MCF2L2: variants seen among roughly 807,000 people sequenced by gnomAD.
MCF2L2 encodes the protein probable guanine nucleotide exchange factor MCF2L2.
A neutral mutation model predicts 150.2 loss-of-function variants in MCF2L2; 102 were observed. The observed-to-expected ratio is 0.68, with a 90% CI of 0.58 to 0.80. The LOEUF is 0.80. Ranked by LOEUF, MCF2L2 falls within the 30% of genes least tolerant of loss-of-function variation. MCF2L2 has a pLI of 0.00. For synonymous variants in MCF2L2, 465 were observed against 491.3 expected (o/e 0.95, Z 0.71); for missense variants, 1,256 against 1,372.8 (o/e 0.91, Z 1.34).
chr3:183,294,635 T>TATA (rs1560003855), intron 13 of MCF2L2, among the ~76,000 whole-genome samples: 2 of 133,432 alleles, frequency 1.5e-5, no homozygotes, highest in African/African-American at 6.5e-5. Flanking sequence ...ATATATATAT[T>TATA]TTTTTTTTTT....
rs192344156 is a variant in MCF2L2, at chr3:183,181,173, G to C, written c.3017-1014C>G. Reference sequence around the variant, plus strand: ...GAGGCATGGCCAGAGGGCGGTAGGCGGCAGTGGAGGGAGCTGCAGTTATCT... The same window carrying C: ...GAGGCATGGCCAGAGGGCGGTAGGCCGCAGTGGAGGGAGCTGCAGTTATCT... On this transcript the variant is annotated intron_variant, in intron 27 of 29. Transcript: ENST00000328913. This position sits in a 1 kb window ranked among gnomAD's most constrained non-coding sequence, Gnocchi z 4.3. Among the ~76,000 whole-genome samples the C allele has an allele frequency of 1.1e-4, 16 of 152,206 alleles. 1 individual carries two copies. Among genetic ancestry groups the C allele is most frequent in the African/African-American group, 3.4e-4 (14 of 41,446 alleles).
chr3:183,382,632 T>C (rs1304402594), intron 2 of MCF2L2, among the ~76,000 whole-genome samples: 1 of 152,114 alleles, frequency 6.6e-6, no homozygotes, highest in Non-Finnish European at 1.5e-5. Context: ...AGAATAATTA[T>C]TCCAAAGTCC....
At chr3:183,386,547 C>T (rs182656043) in intron 2 of MCF2L2, among the ~76,000 whole-genome samples, 1 of 152,364 alleles carries the variant, frequency 6.6e-6, no homozygotes, top group African/African-American at 2.4e-5. Context: ...GGGAAAGGCT[C>T]TATCCTCTCC....
intron 1 of MCF2L2, among the ~76,000 whole-genome samples, chr3:183,418,856 C>T (rs547042508): frequency 6.6e-6 from 1 of 152,294 alleles, no homozygotes; most frequent in South Asian, 2.1e-4. Flanking sequence ...TCTGGGCATA[C>T]AGTGCAAGCT....
chr3:183,332,712 C>CA (rs1431637626), intron 5 of MCF2L2, among the ~76,000 whole-genome samples: 3 of 152,248 alleles, frequency 2.0e-5, no homozygotes, highest in South Asian at 4.2e-4. Flanking sequence ...AAGATGATGA[C>CA]ACGTCATCGG....
In MCF2L2 at chr3:183,312,947, AGCCACATG is replaced by A. The variant is rs569433884; in HGVS notation, c.754-1183_754-1176del. On this transcript the variant is annotated intron_variant, in intron 7 of 29. Coordinates refer to ENST00000328913, the MANE Select transcript of MCF2L2 (RefSeq NM_015078.4). Reference sequence around the variant, plus strand: ...TCCACTCCAAACAGTGCCCCACATTAGCCACATGGCTGGCACTTTTGCCTGGGAATCAG... The same window carrying A: ...TCCACTCCAAACAGTGCCCCACATTAGCTGGCACTTTTGCCTGGGAATCAG... Among the ~76,000 whole-genome samples the A allele has an allele frequency of 1.4e-4, 21 of 152,262 alleles. No homozygotes were observed. The East Asian group carries it at 4.1e-3, about 29-fold the overall frequency.
At chr3:183,327,337 A>AAAATAAAT (rs532688796) in intron 5 of MCF2L2, among the ~76,000 whole-genome samples, 5 of 152,046 alleles carry the variant, frequency 3.3e-5, no homozygotes, top group African/African-American at 1.2e-4. Flanking sequence ...AAAATAAATA[A>AAAATAAAT]AAATAAATAA....
chr3:183,402,451 C>CAAAAAAAAAAAAA (rs779201489), intron 1 of MCF2L2, among the ~76,000 whole-genome samples: 852 of 54,658 alleles, frequency 0.016, 49 homozygotes, highest in Non-Finnish European at 0.03. Context: ...GAGACTCCAT[C>CAAAAAAAAAAAAA]AAAAAAAAAA....
intron 22 of MCF2L2, among the ~76,000 whole-genome samples, chr3:183,214,514 T>G (rs1370924514): frequency 1.3e-5 from 2 of 152,042 alleles, no homozygotes; most frequent in African/African-American, 2.4e-5. Context: ...TTTCGGACCT[T>G]AATAACTTTC....
chr3:183,272,572 T>C (rs1726870497), intron 15 of MCF2L2: 6 of 993,000 alleles, frequency 6.0e-6, no homozygotes, highest in Non-Finnish European at 7.3e-6. Context: ...TTAGATAATT[T>C]AGAATTTTTA....
At chr3:183,415,939 T>C (rs376423991) in intron 1 of MCF2L2, among the ~76,000 whole-genome samples, 3 of 152,170 alleles carry the variant, frequency 2.0e-5, no homozygotes, top group African/African-American at 7.2e-5. Flanking sequence ...CTATATCTCA[T>C]ATTTTTTCAT....
At chr3:183,423,637 T>G (rs1275622635) in intron 1 of MCF2L2, among the ~76,000 whole-genome samples, 2 of 136,032 alleles carry the variant, frequency 1.5e-5, no homozygotes, top group Non-Finnish European at 1.5e-5. Flanking sequence ...TATTTGTTTT[T>G]TTTTTTTTTT....
Position 183,415,366 on chromosome 3 carries a change from T to C in MCF2L2, c.76+12536A>G, listed in dbSNP as rs1049253540. Reference sequence around the variant, plus strand: ...CACACCTGACTAATTTTTGTATTTTTAGTAGAGACGAGGTTTCACCACGTT... The same window carrying C: ...CACACCTGACTAATTTTTGTATTTTCAGTAGAGACGAGGTTTCACCACGTT... On this transcript the variant is annotated intron_variant, in intron 1 of 29. Transcript: ENST00000328913. Among the ~76,000 whole-genome samples, 4 of 152,136 alleles carry C rather than the reference T, an allele frequency of 2.6e-5. No individual in the cohort carries two copies. In the South Asian group the frequency reaches 8.3e-4, roughly 32 times the overall value.
chr3:183,420,856 C>T (rs1056408725), intron 1 of MCF2L2, among the ~76,000 whole-genome samples: 3 of 152,210 alleles, frequency 2.0e-5, no homozygotes, highest in African/African-American at 7.2e-5. Context: ...AAACCACTCC[C>T]ATTATCCAAT....
At chr3:183,279,156 A>AACACACAC (rs374605194) in intron 14 of MCF2L2, among the ~76,000 whole-genome samples, 3,582 of 150,184 alleles carry the variant, frequency 0.024, 139 homozygotes, top group African/African-American at 0.08. Context: ...AGAAGTACAT[A>AACACACAC]ACACACACAC....
At chr3:183,261,958 C>T (rs1424418604) in intron 15 of MCF2L2, among the ~76,000 whole-genome samples, 5 of 100,950 alleles carry the variant, frequency 5.0e-5, no homozygotes, top group East Asian at 2.6e-4. Context: ...TCATGTCCAG[C>T]ATTAAAAAAA....
chr3:183,373,348 C>T (rs1163223631), intron 3 of MCF2L2: 3 of 152,130 alleles, frequency 2.0e-5, no homozygotes, highest in African/African-American at 7.2e-5. Context: ...CAGTACTATA[C>T]ATAATTCACA....
intron 1 of MCF2L2, among the ~76,000 whole-genome samples, chr3:183,415,445 C>T (rs540668072): frequency 1.6e-4 from 25 of 152,290 alleles, no homozygotes; most frequent in Admixed American, 1.6e-3. Context: ...CCTCGGCCTC[C>T]CAAAGTGCTG....
chr3:183,397,860 T>C (rs966214407), intron 1 of MCF2L2, among the ~76,000 whole-genome samples: 1 of 152,128 alleles, frequency 6.6e-6, no homozygotes, highest in African/African-American at 2.4e-5. Context: ...TTGTTGCAAA[T>C]GACCATTAAT....
Sources: gnomAD v4.1 joint callset for allele counts (sites outside exome capture counted in the v4.1 genomes callset) on GRCh38, gnomAD v4.1.1 for gene constraint, Gnocchi (gnomAD v3.1) non-coding constraint, MANE v1.5 for transcripts, NCBI Gene and HGNC (gene_info 2026-07-23, HGNC 2026-07-21) for gene names.